The following B4GALNT4 variants were observed in gnomAD, a reference collection of about 807,000 sequenced individuals.
B4GALNT4 encodes N-acetyl-beta-glucosaminyl-glycoprotein 4-beta-N-acetylgalactosaminyltransferase 1.
In B4GALNT4, 77 loss-of-function variants were observed where a neutral mutation model predicts 110.0. That is an observed-to-expected ratio of 0.70 (90% CI 0.58 to 0.85). B4GALNT4 has a LOEUF of 0.85. B4GALNT4 is among the 40% of genes least tolerant of loss of function. B4GALNT4 has a pLI of 0.00. For synonymous variants in B4GALNT4, 785 were observed against 655.5 expected (o/e 1.20, Z -3.02); for missense variants, 1,575 against 1,506.0 (o/e 1.05, Z -0.76).
At chr11:375,260 G>A (rs905143901) in intron 8 of B4GALNT4, among the ~76,000 whole-genome samples, 24 of 151,812 alleles carry the variant, frequency 1.6e-4, no homozygotes, top group African/African-American at 5.8e-4. Context: ...TGCTCCCAGG[G>A]TCCCTCAGCT....
chr11:372,169 A>C lies in B4GALNT4; in HGVS notation c.212A>C (p.Gln71Pro). The change falls in exon 2 of 20, where the codon CAG becomes CCG. Residue 71 changes from glutamine (Q) to proline (P), a missense_variant. Gln to Pro is a moderately conservative substitution (Grantham distance 76). Transcript: ENST00000329962. ...GRGVHAAPST[Q>P]RAEDSSESRE... ...GGGGTCCACGCTGCGCCATCCACAC[A>C]GAGGGCTGAGGACTCCAGTGAGAGC... The C allele has an allele frequency of 6.5e-7, 1 of 1,550,118 alleles. No individual in the cohort carries two copies. Among genetic ancestry groups the C allele is most frequent in the Non-Finnish European group, 8.7e-7 (1 of 1,146,840 alleles).
At position 376,881 on chromosome 11, in the gene B4GALNT4, G is replaced by C. The variant is rs756735046; in HGVS notation, c.1758G>C (p.Gln586His). Residue 586 changes from glutamine to histidine, a missense_variant, in exon 14 of 20, where the codon CAG (glutamine) becomes CAC (histidine). Gln to His is a conservative substitution (Grantham distance 24). Transcript: ENST00000329962. The part of the protein sequence containing the change: ...GRRTGGPQAT[Q>H]PRPPARAQAT... ...GGACCGGCGGCCCCCAGGCCACACAGCCGAGGCCCCCAGCCCGGGCGCAGG... is the reference window on the plus strand; with the variant it reads ...GGACCGGCGGCCCCCAGGCCACACACCCGAGGCCCCCAGCCCGGGCGCAGG... The C allele has an allele frequency of 1.5e-4, 197 of 1,349,030 alleles. No homozygotes were observed. Among genetic ancestry groups the C allele is most frequent in the Non-Finnish European group, 1.7e-4 (175 of 1,053,816 alleles). The allele number at this position is 1,349,030 out of a possible 1,614,324, so 83.6% of individuals were successfully genotyped here. A position where few individuals can be genotyped will look rare whatever the true frequency, so the allele number is the denominator to read the frequency against.
chr11:379,207 G>C (rs1034251423), intron 14 of B4GALNT4, among the ~76,000 whole-genome samples: 2 of 152,202 alleles, frequency 1.3e-5, no homozygotes, highest in African/African-American at 4.8e-5. Flanking sequence ...GGGCTCGCTG[G>C]TGTGCCCCCA....
At position 376,250 on chromosome 11, in the gene B4GALNT4, G is replaced by T; in HGVS notation, c.1197-1G>T. The T allele has an allele frequency of 6.2e-7, 1 of 1,609,162 alleles. No homozygotes were observed. The highest frequency in any genetic ancestry group is 8.5e-7 in the Non-Finnish European group (1 of 1,177,758). On this transcript the variant is annotated splice_acceptor_variant, in intron 12 of 19. Coordinates refer to ENST00000329962, the MANE Select transcript of B4GALNT4 (RefSeq NM_178537.5). LOFTEE classifies it high-confidence loss of function. ...GGCTCTGATGCCCCGCCGCGCCCCAGGTTTGGGTTCTATAAATACATGAAG... is the reference window on the plus strand; with the variant it reads ...GGCTCTGATGCCCCGCCGCGCCCCATGTTTGGGTTCTATAAATACATGAAG...
chr11:372,696 G>A lies in B4GALNT4; in HGVS notation c.290G>A (p.Gly97Glu). The change falls in exon 3 of 20, where the codon GGG (glycine) becomes GAG (glutamate). Residue 97 changes from glycine to glutamate, a missense_variant. Gly to Glu is a moderately conservative substitution (Grantham distance 98, BLOSUM62 -2). Coordinates refer to ENST00000329962, the MANE Select transcript of B4GALNT4 (RefSeq NM_178537.5). Reference sequence around the variant, plus strand: ...CGGGACCTAGACATGCTGTTTCCTGGGGGGGCTGGGAGGCTGCCACTGAAC... The same window carrying A: ...CGGGACCTAGACATGCTGTTTCCTGAGGGGGCTGGGAGGCTGCCACTGAAC... ...EGRDLDMLFP[G>E]GAGRLPLNFT... The A allele has an allele frequency of 1.9e-6, 3 of 1,611,846 alleles. No individual in the cohort carries two copies. The highest frequency in any genetic ancestry group is 2.5e-6 in the Non-Finnish European group (3 of 1,179,668).
rs1434697378 is a variant in B4GALNT4 at position 376,317 on chromosome 11, G to T, written c.1263G>T (p.Val421=). The change falls in exon 13 of 20, where the codon GTG becomes GTT. Residue 421 remains valine, a synonymous_variant. Coordinates refer to ENST00000329962, the MANE Select transcript of B4GALNT4 (RefSeq NM_178537.5). ...EEGDEDEEDE[V]QRRAFLFLNP... is the part of the protein sequence containing the mutation. ...GGGATGAGGATGAAGAAGACGAGGT[G>T]CAGCGCCGAGCCTTCCTCTTCCTCA... The T allele has an allele frequency of 6.2e-7, 1 of 1,609,876 alleles. No homozygotes were observed. Among genetic ancestry groups the T allele is most frequent in the Admixed American group, 1.7e-5 (1 of 59,864 alleles).
In B4GALNT4 at chr11:376,733, C is replaced by T. The variant is rs1278016714; in HGVS notation, c.1610C>T (p.Ser537Phe). Reference protein sequence around the residue: ...VTRVRPGQRASPRAPAPRAPW... With the variant: ...VTRVRPGQRAFPRAPAPRAPW... ...AGGGTGCGGCCGGGACAGCGGGCAT[C>T]CCCCCGGGCCCCAGCGCCGCGTGCG... The change falls in exon 14 of 20, where the codon TCC becomes TTC. Residue 537 changes from serine (S) to phenylalanine (F), a missense_variant. Transcript: ENST00000329962. 15 of 1,389,060 alleles carry T rather than the reference C, an allele frequency of 1.1e-5. No homozygotes were observed. In the South Asian group the frequency reaches 1.8e-4, roughly 17 times the overall value. 86.0% of individuals were successfully genotyped at this position (1,389,060 alleles called of 1,614,324 possible). A position where few individuals can be genotyped will look rare whatever the true frequency, so the allele number is the denominator to read the frequency against.
At position 373,536 on chromosome 11, in the gene B4GALNT4, A is replaced by T; in HGVS notation, c.704+20A>T. On this transcript the variant is annotated intron_variant, in intron 7 of 19. Transcript: ENST00000329962. ...CAGGCGGTGAGTGACTGTGGGGTGC[A>T]TGTGCGTGCACTTGTGTATTCGTGG... The T allele has an allele frequency of 6.2e-7, 1 of 1,610,008 alleles. No individual in the cohort carries two copies. The highest frequency in any genetic ancestry group is 8.5e-7 in the Non-Finnish European group (1 of 1,178,510).
At chr11:377,940 T>C (rs1198957958) in intron 14 of B4GALNT4, among the ~76,000 whole-genome samples, 1 of 152,210 alleles carries the variant, frequency 6.6e-6, no homozygotes, top group African/African-American at 2.4e-5. Flanking sequence ...CCTGTGGAGT[T>C]CTAAGAAGAG....
rs983862268 is a variant in B4GALNT4, at chr11:376,736, C to T, written c.1613C>T (p.Pro538Leu). 1.4e-6 allele frequency: 2 copies of T among 1,398,466 alleles called. No homozygotes were observed. Among genetic ancestry groups the T allele is most frequent in the Non-Finnish European group, 1.8e-6 (2 of 1,081,700 alleles). 86.6% of individuals were successfully genotyped at this position (1,398,466 alleles called of 1,614,324 possible). A position where few individuals can be genotyped will look rare whatever the true frequency, so the allele number is the denominator to read the frequency against. Reference protein sequence around the residue: ...TRVRPGQRASPRAPAPRAPWP... With the variant: ...TRVRPGQRASLRAPAPRAPWP... ...GTGCGGCCGGGACAGCGGGCATCCC[C>T]CCGGGCCCCAGCGCCGCGTGCGCCC... is the stretch of plus-strand genomic sequence containing the variant. Residue 538 changes from proline (P) to leucine (L), a missense_variant, in exon 14 of 20, where the codon CCC becomes CTC. By Grantham distance (98) the Pro-to-Leu change is moderately conservative. Coordinates refer to ENST00000329962, the MANE Select transcript of B4GALNT4 (RefSeq NM_178537.5).
At chr11:370,283 C>G (rs1014297923) in intron 1 of B4GALNT4, among the ~76,000 whole-genome samples, 13 of 152,080 alleles carry the variant, frequency 8.5e-5, no homozygotes, top group Admixed American at 8.5e-4. Flanking sequence ...TGACGGTGGG[C>G]TCCTGGGGAA....
In B4GALNT4 at chr11:372,697, G is replaced by C. The variant is rs1457711127; in HGVS notation, c.291G>C (p.Gly97=). 5.6e-6 allele frequency: 9 copies of C among 1,612,016 alleles called. No individual in the cohort carries two copies. The highest frequency in any genetic ancestry group is 1.7e-5 in the Admixed American group (1 of 59,954). The part of the protein sequence containing the change: ...EGRDLDMLFP[G]GAGRLPLNFT... Reference sequence around the variant, plus strand: ...GGGACCTAGACATGCTGTTTCCTGGGGGGGCTGGGAGGCTGCCACTGAACT... The same window carrying C: ...GGGACCTAGACATGCTGTTTCCTGGCGGGGCTGGGAGGCTGCCACTGAACT... The change falls in exon 3 of 20, where the codon GGG becomes GGC. Residue 97 remains glycine (G), a synonymous_variant. Transcript: ENST00000329962.
chr11:381,785 C>A lies in B4GALNT4; in HGVS notation c.3113C>A (p.Ala1038Glu). The A allele has an allele frequency of 6.3e-7, 1 of 1,578,432 alleles. No individual in the cohort carries two copies. The highest frequency in any genetic ancestry group is 8.6e-7 in the Non-Finnish European group (1 of 1,166,018). Residue 1038 changes from alanine to glutamate, a missense_variant, in exon 20 of 20, where the codon GCG (alanine) becomes GAG (glutamate). Coordinates refer to ENST00000329962, the MANE Select transcript of B4GALNT4 (RefSeq NM_178537.5). ...VRSRKGSRTG[A>E]S ...AGCAGGAAGGGCTCTCGCACGGGGG[C>A]GTCTTGAGGACGGGCAGCCCCTCCC...
intron 14 of B4GALNT4, among the ~76,000 whole-genome samples, chr11:378,408 T>TG (rs1465627924): frequency 2.0e-5 from 3 of 152,108 alleles, no homozygotes; most frequent in African/African-American, 7.2e-5. Context: ...CGTCATTTCT[T>TG]GGGGGCCTCA....
rs779211038 is a variant in B4GALNT4 at position 372,655 on chromosome 11, C to T, written c.256-7C>T. The T allele has an allele frequency of 1.2e-5, 20 of 1,610,810 alleles. No individual in the cohort carries two copies. The Admixed American group carries it at 3.2e-4, about 26-fold the overall frequency. Reference sequence around the variant, plus strand: ...ACCCTGACCCTGTTGCCTTTTCTCTCCTGCAGCCCGAAGGTCGGGACCTAG... The same window carrying T: ...ACCCTGACCCTGTTGCCTTTTCTCTTCTGCAGCCCGAAGGTCGGGACCTAG... On this transcript the variant is annotated splice_polypyrimidine_tract_variant and splice_region_variant and intron_variant, in intron 2 of 19. Transcript: ENST00000329962.
rs778376036 is a variant in B4GALNT4 at position 380,875 on chromosome 11, T to C, written c.2920T>C (p.Phe974Leu). ...CCTTTTTGGGATCTACAAGTCGGAC[T>C]TTGACCGGGTTGGAGGAATGAACAC... ...FGLFGIYKSD[F>L]DRVGGMNTEE... The change falls in exon 19 of 20, where the codon TTT (phenylalanine) becomes CTT (leucine). Residue 974 changes from phenylalanine (F) to leucine (L), a missense_variant. By Grantham distance (22) the Phe-to-Leu change is conservative. Coordinates refer to ENST00000329962, the MANE Select transcript of B4GALNT4 (RefSeq NM_178537.5). The C allele has an allele frequency of 2.8e-5, 45 of 1,613,624 alleles. No homozygotes were observed. The highest frequency in any genetic ancestry group is 3.7e-5 in the Non-Finnish European group (44 of 1,179,880).
chr11:373,324 G>A (rs757067630), intron 6 of B4GALNT4, 33 bp downstream of exon 6: 7 of 1,592,964 alleles, frequency 4.4e-6, no homozygotes, highest in Non-Finnish European at 6.0e-6. Flanking sequence ...GTCGTCCCGG[G>A]CCTCCTGCAG....
chr11:376,285 G>C lies in B4GALNT4; in HGVS notation c.1231G>C (p.Glu411Gln). The C allele has an allele frequency of 6.2e-7, 1 of 1,610,474 alleles. No individual in the cohort carries two copies. Among genetic ancestry groups the C allele is most frequent in the Non-Finnish European group, 8.5e-7 (1 of 1,178,506 alleles). The change falls in exon 13 of 20, where the codon GAG becomes CAG. Residue 411 changes from glutamate to glutamine, a missense_variant. Glu to Gln is a conservative substitution (Grantham distance 29). Coordinates refer to ENST00000329962, the MANE Select transcript of B4GALNT4 (RefSeq NM_178537.5). ...GFYKYMKMDK[E>Q]EGDEDEEDEV... is the part of the protein sequence containing the mutation. ...CTATAAATACATGAAGATGGACAAG[G>C]AGGAGGGGGATGAGGATGAAGAAGA...
At chr11:380,059 C>T in intron 16 of B4GALNT4, 40 bp downstream of exon 16, 4 of 1,601,840 alleles carry the variant, frequency 2.5e-6, no homozygotes, top group Non-Finnish European at 3.4e-6. Context: ...CCCAGCGCAG[C>T]TTTCCTCCCC....
Sources: gnomAD v4.1 joint callset for allele counts (sites outside exome capture counted in the v4.1 genomes callset) on GRCh38, gnomAD v4.1.1 for gene constraint, MANE v1.5 for transcripts, NCBI Gene and HGNC (gene_info 2026-07-23, HGNC 2026-07-21) for gene names.